SORCS1: variants seen among roughly 807,000 people sequenced by gnomAD.
SORCS1 encodes the protein VPS10 domain-containing receptor SorCS1.
A neutral mutation model predicts 146.1 loss-of-function variants in SORCS1; 60 were observed. That is an observed-to-expected ratio of 0.41 (90% CI 0.33 to 0.51). The LOEUF is 0.51. Among genes scored for constraint, SORCS1 ranks in the 20% least tolerant of loss-of-function variants. SORCS1 has a pLI of 0.21. For synonymous variants in SORCS1, 637 were observed against 584.0 expected, an observed-to-expected ratio of 1.09 and a Z score of -1.31; for missense variants, 1,352 against 1,487.6, an observed-to-expected ratio of 0.91 and a Z score of 1.50.
At chr10:107,014,561 T>A (rs1957820676) in intron 1 of SORCS1, among the ~76,000 whole-genome samples, 1 of 151,466 alleles carries the variant, frequency 6.6e-6, no homozygotes, top group Admixed American at 6.6e-5. Context: ...TTGCTTTCTG[T>A]TATGTTATAG....
intron 2 of SORCS1, among the ~76,000 whole-genome samples, chr10:106,883,186 G>A (rs958038987): frequency 1.3e-5 from 2 of 152,080 alleles, no homozygotes; most frequent in South Asian, 4.1e-4. Context: ...ACTTGTAGCC[G>A]ACCTGAGATA....
intron 3 of SORCS1, among the ~76,000 whole-genome samples, chr10:106,817,664 TA>T (rs1227798581): frequency 1.3e-5 from 2 of 152,190 alleles, no homozygotes; most frequent in African/African-American, 4.8e-5. Flanking sequence ...AACACATTAT[TA>T]AGATTCTAGA....
chr10:106,578,963 T>C (rs1844728773), intron 25 of SORCS1: 1 of 1,443,322 alleles, frequency 6.9e-7, no homozygotes, highest in Admixed American at 2.8e-5. Flanking sequence ...GAAAAAGCCA[T>C]CTTAGCTGTT....
intron 6 of SORCS1, among the ~76,000 whole-genome samples, chr10:106,728,393 G>C (rs544946629): frequency 3.3e-5 from 5 of 152,312 alleles, no homozygotes; most frequent in African/African-American, 7.2e-5. Context: ...GTCACCACCA[G>C]AGCGAGCCCC....
chr10:107,110,587 A>G (rs890432331), intron 1 of SORCS1, among the ~76,000 whole-genome samples: 1 of 152,020 alleles, frequency 6.6e-6, no homozygotes, highest in African/African-American at 2.4e-5. Context: ...GCCATGAGGG[A>G]TCCACCCTCA....
chr10:107,066,217 G>A (rs984954831), intron 1 of SORCS1, among the ~76,000 whole-genome samples: 2 of 151,968 alleles, frequency 1.3e-5, no homozygotes, highest in African/African-American at 2.4e-5. Flanking sequence ...CATGCTTGGG[G>A]TTCCAAGCAT....
At chr10:107,158,757 C>T (rs61867257) in intron 1 of SORCS1, among the ~76,000 whole-genome samples, 13,578 of 152,226 alleles carry the variant, frequency 0.089, 744 homozygotes, top group Middle Eastern at 0.12. Flanking sequence ...AAACTAAACA[C>T]AATAATTTGC....
chr10:106,770,092 A>G (rs1859902088), intron 4 of SORCS1, among the ~76,000 whole-genome samples: 1 of 152,172 alleles, frequency 6.6e-6, no homozygotes, highest in African/African-American at 2.4e-5. Context: ...GACTGTCTCA[A>G]AAAAAGAAGA....
chr10:106,853,863 T>A lies in SORCS1; in HGVS notation c.627-24190A>T, dbSNP rs143847409. ...CTTCAGTTTGTTAAGGTGTGTTTTA[T>A]GGTTCAGAAAGTGGTCTGTCTTAGC... On this transcript the variant is annotated intron_variant, in intron 2 of 25. Transcript: ENST00000263054. 3.8e-3 allele frequency among the ~76,000 whole-genome samples: 586 copies of A among 152,216 alleles called. 9 individuals carry two copies. Among genetic ancestry groups the A allele is most frequent in the African/African-American group, 0.014 (569 of 41,562 alleles).
chr10:107,121,079 G>A (rs994799017), intron 1 of SORCS1, among the ~76,000 whole-genome samples: 1 of 152,178 alleles, frequency 6.6e-6, no homozygotes, highest in African/African-American at 2.4e-5. Flanking sequence ...TGGAGCCGAA[G>A]TCTTTAAATT....
At chr10:106,772,649 G>T (rs1860113470) in intron 4 of SORCS1, among the ~76,000 whole-genome samples, 1 of 151,934 alleles carries the variant, frequency 6.6e-6, no homozygotes, top group Non-Finnish European at 1.5e-5. Context: ...AGGACATTTG[G>T]CCATACACAT....
chr10:107,048,950 G>A (rs1192111034), intron 1 of SORCS1, among the ~76,000 whole-genome samples: 1 of 152,110 alleles, frequency 6.6e-6, no homozygotes. Flanking sequence ...GCAAAAGAGA[G>A]TGTCTGAGAG....
At position 107,095,954 on chromosome 10, in the gene SORCS1, TA is replaced by T. The variant is rs142766259; in HGVS notation, c.558+68014del. 1.0e-2 allele frequency among the ~76,000 whole-genome samples: 1,501 copies of T among 150,820 alleles called. 12 individuals carry two copies. The highest frequency in any genetic ancestry group is 0.02 in the South Asian group (98 of 4,786). On this transcript the variant is annotated intron_variant, in intron 1 of 25. Transcript: ENST00000263054. ...TTGGTAAGTGGAATTCAATTTGCAT[TA>T]AAAAAAAACAAGAATAAAGATACAC...
At chr10:106,918,100 A>G (rs1428583134) in intron 2 of SORCS1, among the ~76,000 whole-genome samples, 2 of 152,226 alleles carry the variant, frequency 1.3e-5, no homozygotes, top group Non-Finnish European at 2.9e-5. Flanking sequence ...GGGTAAGAAT[A>G]TGCACCTGTT....
intron 6 of SORCS1, among the ~76,000 whole-genome samples, chr10:106,719,104 AG>A (rs1420961771): frequency 6.6e-6 from 1 of 152,160 alleles, no homozygotes; most frequent in African/African-American, 2.4e-5. Context: ...GACAGTAGGG[AG>A]TAGGGGAAGG....
intron 4 of SORCS1, among the ~76,000 whole-genome samples, chr10:106,770,976 G>C (rs540622790): frequency 2.0e-5 from 3 of 152,306 alleles, no homozygotes; most frequent in African/African-American, 7.2e-5. Flanking sequence ...CCTGGTAAGG[G>C]GCAGCAGGCC....
intron 2 of SORCS1, among the ~76,000 whole-genome samples, chr10:106,893,494 T>C (rs992144553): frequency 1.3e-5 from 2 of 152,226 alleles, no homozygotes; most frequent in Admixed American, 1.3e-4. Flanking sequence ...ATGCCTGGCA[T>C]ATATTACATG....
chr10:106,659,409 G>A (rs1298204791), intron 17 of SORCS1, among the ~76,000 whole-genome samples: 2 of 152,152 alleles, frequency 1.3e-5, no homozygotes, highest in African/African-American at 2.4e-5. Context: ...ACTTAATATC[G>A]AGAATCATAC....
intron 5 of SORCS1, among the ~76,000 whole-genome samples, chr10:106,733,958 G>A (rs558826987): frequency 2.2e-4 from 33 of 152,166 alleles, no homozygotes; most frequent in African/African-American, 7.2e-4. Context: ...TTTTATCACT[G>A]AACTCTCTCT....
Sources: gnomAD v4.1 joint callset for allele counts (sites outside exome capture counted in the v4.1 genomes callset) on GRCh38, gnomAD v4.1.1 for gene constraint, MANE v1.5 for transcripts, NCBI Gene and HGNC (gene_info 2026-07-23, HGNC 2026-07-21) for gene names.